The following ARHGAP4 variants were observed in gnomAD, a reference collection of about 807,000 sequenced individuals.
The protein encoded by ARHGAP4 is Rho GTPase activating protein 4.
Under a neutral mutation model 67.6 loss-of-function variants are expected in ARHGAP4, and 25 were observed. The ratio of observed to expected loss-of-function variants is 0.37; its 90% confidence interval spans 0.27 to 0.52. The LOEUF (loss-of-function observed/expected upper bound fraction) is 0.52. ARHGAP4 is among the 20% of genes least tolerant of loss of function. The probability of loss-of-function intolerance (pLI) is 0.92; values close to 1 mark genes in which losing one functional copy is unlikely to be tolerated. For missense variants in ARHGAP4, 804 were observed against 854.6 expected, an observed-to-expected ratio of 0.94 and a Z score of 0.74; for synonymous variants, 448 against 373.7, an observed-to-expected ratio of 1.20 and a Z score of -2.29.
intron 7 of ARHGAP4, among the ~76,000 whole-genome samples, chrX:153,914,610 T>C (rs1402914654): frequency 2.7e-5 from 3 of 112,178 alleles, no homozygotes; most frequent in African/African-American, 9.7e-5. Context: ...GGCAGGGGAA[T>C]CGCTTGAACC....
chrX:153,910,678 C>A, intron 15 of ARHGAP4, 22 bp downstream of exon 15: 1 of 1,189,832 alleles, frequency 8.4e-7, no homozygotes, highest in Non-Finnish European at 1.1e-6. Context: ...CCTACCCCGC[C>A]AGCCTCAGGC....
At position 153,913,266 on chromosome X, in the gene ARHGAP4, C is replaced by T. The variant is rs1403388551; in HGVS notation, c.1363G>A (p.Ala455Thr). 3 of 1,171,650 alleles carry T rather than the reference C, an allele frequency of 2.6e-6. No homozygotes were observed. Among genetic ancestry groups the T allele is most frequent in the Non-Finnish European group, 2.3e-6 (2 of 875,807 alleles). Residue 455 changes from alanine (A) to threonine (T), a missense_variant, in exon 10 of 22, where the codon GCC becomes ACC. Coordinates refer to ENST00000350060, the MANE Select transcript of ARHGAP4 (RefSeq NM_001666.5). ...TTCTCGTGCTTGGCCTGCAGCTTGG[C>T]GAGGATGCTCCGTCCACTCAGATAC... Reference protein sequence around the residue: ...QEYLSGRSILAKLQAKHEKLQ... With the variant: ...QEYLSGRSILTKLQAKHEKLQ...
Position 153,910,416 on chromosome X carries a change from C to G in ARHGAP4, c.1923-12G>C, listed in dbSNP as rs200800907. 1 of 1,191,763 alleles carries G rather than the reference C, an allele frequency of 8.4e-7. No homozygotes were observed. The highest frequency in any genetic ancestry group is 1.7e-5 in the African/African-American group (1 of 57,511). ...TGTACTGGGCCAGGCTGGGGGGACA[C>G]GCACATCACAAGCAGAGAGCCCGCA... On this transcript the variant is annotated splice_polypyrimidine_tract_variant and intron_variant, in intron 16 of 21. Transcript: ENST00000350060.
At chrX:153,909,205 G>A (rs1049311241) in intron 20 of ARHGAP4, 36 bp from the exon 21 acceptor site, 1 of 1,141,712 alleles carries the variant, frequency 8.8e-7, no homozygotes, top group South Asian at 1.9e-5. Flanking sequence ...GGGGGCCCTG[G>A]GAAGTCCCTG....
At chrX:153,910,672 C>A in intron 15 of ARHGAP4, 28 bp downstream of exon 15, 1 of 1,187,240 alleles carries the variant, frequency 8.4e-7, no homozygotes, top group Non-Finnish European at 1.1e-6. Context: ...AAGTGCCCTA[C>A]CCCGCCAGCC....
Position 153,919,660 on chromosome X carries a change from GGCCACAGGCCTCT to G in ARHGAP4, c.682-390_682-378del, listed in dbSNP as rs781948833. On this transcript the variant is annotated intron_variant, in intron 5 of 21. Coordinates refer to ENST00000350060, the MANE Select transcript of ARHGAP4 (RefSeq NM_001666.5). Reference sequence around the variant, plus strand: ...AGCACACAGGTGCACAGCTGGAAGCGGCCACAGGCCTCTGCGGGGGCCAGAGCTGAGGGGGAAC... The same window carrying G: ...AGCACACAGGTGCACAGCTGGAAGCGGCGGGGGCCAGAGCTGAGGGGGAAC... 1.3e-5 allele frequency: 15 copies of G among 1,164,265 alleles called. No homozygotes were observed. Among genetic ancestry groups the G allele is most frequent in the Middle Eastern group, 4.7e-4 (2 of 4,249 alleles).
chrX:153,908,995 A>C (rs1018057205), intron 21 of ARHGAP4, 75 bp downstream of exon 21: 1 of 1,053,667 alleles, frequency 9.5e-7, no homozygotes, highest in African/African-American at 1.8e-5. Context: ...TCGAGGAGGG[A>C]GGAGTTTGGC....
intron 12 of ARHGAP4, among the ~76,000 whole-genome samples, chrX:153,911,923 A>G (rs1234519078): frequency 1.2e-5 from 1 of 80,575 alleles, no homozygotes; most frequent in Non-Finnish European, 2.1e-5. Flanking sequence ...AAATAAAAAA[A>G]AAAAAAAAAA....
intron 1 of ARHGAP4, among the ~76,000 whole-genome samples, chrX:153,923,776 A>G (rs1013430768): frequency 1.8e-5 from 2 of 112,194 alleles, no homozygotes; most frequent in African/African-American, 6.5e-5. Context: ...GAATCAGTTT[A>G]ACGTTTTGTT....
intron 12 of ARHGAP4, 101 bp from the exon 13 acceptor site, chrX:153,911,290 C>A (rs782011282): frequency 1.1e-4 from 79 of 744,899 alleles, no homozygotes; most frequent in Non-Finnish European, 1.4e-4. Flanking sequence ...CAAGGTCTCA[C>A]TCTGTCACCC....
At chrX:153,923,065 T>C (rs2065106156) in intron 1 of ARHGAP4, among the ~76,000 whole-genome samples, 1 of 110,460 alleles carries the variant, frequency 9.1e-6, no homozygotes, top group Non-Finnish European at 1.9e-5. Context: ...GAGAGACCGG[T>C]AGGGACAGAT....
intron 1 of ARHGAP4, among the ~76,000 whole-genome samples, chrX:153,923,349 G>C (rs187985916): frequency 9.0e-6 from 1 of 111,727 alleles, no homozygotes; most frequent in African/African-American, 3.3e-5. Flanking sequence ...GACCCTGTGG[G>C]TTCCGCCTGC....
chrX:153,912,996 A>T (rs1557103622), intron 11 of ARHGAP4, 28 bp downstream of exon 11: 1 of 1,079,243 alleles, frequency 9.3e-7, no homozygotes, highest in African/African-American at 3.8e-5. Context: ...GGACCGTCGC[A>T]GGGCCCCAGC....
At chrX:153,919,673 T>C in intron 5 of ARHGAP4, 1 of 1,162,709 alleles carries the variant, frequency 8.6e-7, no homozygotes, top group Non-Finnish European at 1.1e-6. Flanking sequence ...CACAGGCCTC[T>C]GCGGGGGCCA....
chrX:153,925,867 C>T (rs1036312440), intron 1 of ARHGAP4, among the ~76,000 whole-genome samples: 4 of 113,134 alleles, frequency 3.5e-5, no homozygotes, highest in East Asian at 2.8e-4. Flanking sequence ...CCAGTGTCTC[C>T]ACTGAACCTT....
In ARHGAP4 at chrX:153,921,828, C is replaced by T. The variant is rs2148527587; in HGVS notation, c.68-19G>A. On this transcript the variant is annotated intron_variant, in intron 1 of 21. Transcript: ENST00000350060. ...CGCATCTCTGTGGGGGGAACCATGG[C>T]TCAGGCCTGGTCAGCACGCCCTGCC... 1.7e-6 allele frequency: 2 copies of T among 1,171,673 alleles called. No individual in the cohort carries two copies. The highest frequency in any genetic ancestry group is 3.1e-5 in the East Asian group (1 of 31,805).
rs182151571 is a variant in ARHGAP4 at position 153,917,522 on chromosome X, G to A, written c.1032+1310C>T. 4.1e-3 allele frequency among the ~76,000 whole-genome samples: 466 copies of A among 112,392 alleles called. 1 individual carries two copies. The highest frequency in any genetic ancestry group is 0.018 in the Middle Eastern group (4 of 217). On this transcript the variant is annotated intron_variant, in intron 7 of 21. Transcript: ENST00000350060. ...TGTAATCCCAGCACTTTGGGAGGCC[G>A]AGGCAGGCCAATTGCTTGAGCCCAG...
chrX:153,921,651 T>A lies in ARHGAP4; in HGVS notation c.226A>T (p.Ser76Cys). The A allele has an allele frequency of 2.5e-6, 3 of 1,209,630 alleles. No homozygotes were observed. The highest frequency in any genetic ancestry group is 1.8e-5 in the South Asian group (1 of 56,739). Reference protein sequence around the residue: ...GLEKLAERFSSRGGRLGSSRE... With the variant: ...GLEKLAERFSCRGGRLGSSRE... The stretch of plus-strand genomic sequence containing the variant: ...CTGCTCCCCAGGCGGCCTCCACGGC[T>A]GGAGAAGCGCTCGGCCAGCTTTTCC... The change falls in exon 2 of 22, where the codon AGC (serine) becomes TGC (cysteine). Residue 76 changes from serine (S) to cysteine (C), a missense_variant. Physicochemically the swap from Ser to Cys is moderately radical, Grantham distance 112. Coordinates refer to ENST00000350060, the MANE Select transcript of ARHGAP4 (RefSeq NM_001666.5).
Position 153,921,239 on chromosome X carries a change from C to T in ARHGAP4, c.436-80G>A. 24 of 1,177,299 alleles carry T rather than the reference C, an allele frequency of 2.0e-5. No individual in the cohort carries two copies. In the South Asian group the frequency reaches 4.3e-4, roughly 21 times the overall value. ...ACTGGAAGCTCTGCCCAGATCAAGC[C>T]CCATCGGGGGGGCACACAGGTTCGC... On this transcript the variant is annotated intron_variant, in intron 3 of 21. Transcript: ENST00000350060.
Sources: gnomAD v4.1 joint callset for allele counts (sites outside exome capture counted in the v4.1 genomes callset) on GRCh38, gnomAD v4.1.1 for gene constraint, MANE v1.5 for transcripts, NCBI Gene and HGNC (gene_info 2026-07-23, HGNC 2026-07-21) for gene names.